RIC8B: variants seen among roughly 807,000 people sequenced by gnomAD.
RIC8B encodes RIC8 guanine nucleotide exchange factor B, also known as chaperone Ric-8B.
A neutral mutation model predicts 57.5 loss-of-function variants in RIC8B; 16 were observed. The ratio of observed to expected loss-of-function variants is 0.28; its 90% CI spans 0.19 to 0.42. The LOEUF (loss-of-function observed/expected upper bound fraction) is 0.42, where lower values mean the gene tolerates loss of function less well. Ranked by LOEUF, RIC8B falls within the 10% of genes least tolerant of loss-of-function variation. RIC8B has a pLI of 1.00. For synonymous variants in RIC8B, 216 were observed against 250.8 expected (o/e 0.86, Z 1.31); for missense variants, 481 against 677.0 (o/e 0.71, Z 3.21).
chr12:106,841,776 C>T (rs1458591242), intron 4 of RIC8B, among the ~76,000 whole-genome samples: 1 of 152,120 alleles, frequency 6.6e-6, no homozygotes, highest in Non-Finnish European at 1.5e-5. Context: ...TGAAATAACT[C>T]ATGGAAGAAA....
Position 106,887,667 on chromosome 12 carries a change from G to A in RIC8B, c.*1652G>A, listed in dbSNP as rs1191945822. 1 of 152,198 alleles carries A rather than the reference G, an allele frequency of 6.6e-6. No homozygotes were observed. Among genetic ancestry groups the A allele is most frequent in the Non-Finnish European group, 1.5e-5 (1 of 68,030 alleles). The allele number at this position is 152,198 out of a possible 1,614,324, so 9.4% of individuals were successfully genotyped here. On this transcript the variant is annotated 3_prime_UTR_variant, in exon 10 of 10. Coordinates refer to ENST00000392837, the MANE Select transcript of RIC8B (RefSeq NM_001330145.2). ...AGAATGGCAAAGAAAGAGGCTGCTA[G>A]ATTGAAGGCAGGCATACTGAAAGAA...
chr12:106,885,834 T>TG lies in RIC8B; in HGVS notation c.1572-63dup, dbSNP rs202040725. The TG allele has an allele frequency of 1.7e-3, 1,156 of 696,636 alleles. 5 individuals carry two copies. The African/African-American group carries it at 0.036, about 22-fold the overall frequency. 43.2% of individuals were successfully genotyped at this position (696,636 alleles called of 1,614,324 possible). ...CTTTTTAAAAGGTTGTGGATTTGGG[T>TG]GGGGGGGAGGGGTGTGTGTGTGATG... On this transcript the variant is annotated intron_variant, in intron 9 of 9. Transcript: ENST00000392837.
At chr12:106,844,097 T>C (rs1949079747) in intron 6 of RIC8B, 150 bp downstream of exon 6, 1 of 657,276 alleles carries the variant, frequency 1.5e-6, no homozygotes, top group Non-Finnish European at 2.6e-6. Flanking sequence ...AAGAAGTGTG[T>C]ATTTTTTGAG....
At chr12:106,823,466 G>A (rs566942992) in intron 3 of RIC8B, 9 of 455,784 alleles carry the variant, frequency 2.0e-5, no homozygotes, top group Non-Finnish European at 3.5e-5. Flanking sequence ...TAGAATTTTG[G>A]TTTGCAGCTG....
At chr12:106,859,261 C>A (rs1239189638) in intron 7 of RIC8B, among the ~76,000 whole-genome samples, 3 of 152,082 alleles carry the variant, frequency 2.0e-5, no homozygotes, top group Non-Finnish European at 4.4e-5. Flanking sequence ...TACTGCTAAA[C>A]AAAGCTGCCA....
intron 9 of RIC8B, among the ~76,000 whole-genome samples, chr12:106,876,526 T>C (rs1315204134): frequency 6.6e-6 from 1 of 152,120 alleles, no homozygotes; most frequent in African/African-American, 2.4e-5. Flanking sequence ...TGGATCCAGC[T>C]AAATTAAACA....
At chr12:106,797,009 A>T (rs2044515097) in intron 2 of RIC8B, among the ~76,000 whole-genome samples, 1 of 152,238 alleles carries the variant, frequency 6.6e-6, no homozygotes, top group Admixed American at 6.5e-5. Flanking sequence ...AACAAAAAAG[A>T]TAACAAGTGT....
chr12:106,827,172 A>G (rs775995649), intron 4 of RIC8B, among the ~76,000 whole-genome samples: 2 of 152,238 alleles, frequency 1.3e-5, no homozygotes, highest in African/African-American at 2.4e-5. Context: ...ACAACTGAAT[A>G]AGAATTAATG....
intron 1 of RIC8B, chr12:106,775,510 C>T (rs765631360): frequency 1.4e-5 from 5 of 356,278 alleles, no homozygotes; most frequent in Admixed American, 3.4e-5. Flanking sequence ...CTTATTTAAT[C>T]TTACAGCAAT....
chr12:106,784,071 GT>G (rs1159651183), intron 2 of RIC8B, 27 bp downstream of exon 2: 2 of 1,598,180 alleles, frequency 1.3e-6, no homozygotes, highest in Non-Finnish European at 1.7e-6. Context: ...CTCTGTGAAT[GT>G]TTATGTGTGT....
At chr12:106,843,723 CAAAAAAA>C (rs11384376) in intron 5 of RIC8B, 122 bp from the exon 6 acceptor site, 98 of 256,626 alleles carry the variant, frequency 3.8e-4, no homozygotes, top group South Asian at 8.1e-4. Flanking sequence ...CTCCCTCTCC[CAAAAAAA>C]AAAAAAAAAA....
chr12:106,842,850 T>C (rs1473721503), intron 5 of RIC8B, 33 bp downstream of exon 5: 3 of 1,344,032 alleles, frequency 2.2e-6, no homozygotes, highest in East Asian at 4.6e-5. Flanking sequence ...CCTGGGAAGA[T>C]GCTTCCAAAG....
rs1183381117 is a variant in RIC8B, at chr12:106,871,592, C to G, written c.1571+650C>G. ...ATTAAATCAAGTATATACTAATCAG[C>G]AACTAGTCATCTTGGAGGAGTTATT... On this transcript the variant is annotated intron_variant, in intron 9 of 9. Coordinates refer to ENST00000392837, the MANE Select transcript of RIC8B (RefSeq NM_001330145.2). 1.7e-4 allele frequency: 25 copies of G among 150,996 alleles called. No individual in the cohort carries two copies. The Admixed American group carries it at 1.7e-3, about 10-fold the overall frequency. 9.4% of individuals were successfully genotyped at this position (150,996 alleles called of 1,614,324 possible).
At position 106,790,910 on chromosome 12, in the gene RIC8B, G is replaced by C. The variant is rs1593101239; in HGVS notation, c.132+6866G>C. On this transcript the variant is annotated intron_variant, in intron 2 of 9. Transcript: ENST00000392837. The stretch of plus-strand genomic sequence containing the variant: ...AAATTCACACAGCCCATATTTCTGT[G>C]AAGCCGTAAGGTAATTGTCAAGTTG... 2.0e-5 allele frequency among the ~76,000 whole-genome samples: 3 copies of C among 152,300 alleles called. No homozygotes were observed. The South Asian group carries it at 6.2e-4, about 32-fold the overall frequency.
chr12:106,882,070 G>A (rs878869142), intron 9 of RIC8B, among the ~76,000 whole-genome samples: 4 of 152,256 alleles, frequency 2.6e-5, no homozygotes, highest in Admixed American at 2.6e-4. Flanking sequence ...TTTCTGAACT[G>A]ACTAAAAGCT....
At chr12:106,858,089 A>G (rs1047916659) in intron 7 of RIC8B, among the ~76,000 whole-genome samples, 9 of 152,164 alleles carry the variant, frequency 5.9e-5, no homozygotes, top group African/African-American at 2.2e-4. Context: ...TTTTCTACAT[A>G]AGAGAACAGT....
At chr12:106,852,594 A>C (rs1028150926) in intron 7 of RIC8B, among the ~76,000 whole-genome samples, 2 of 152,226 alleles carry the variant, frequency 1.3e-5, no homozygotes, top group Admixed American at 1.3e-4. Flanking sequence ...TTTAATTCTC[A>C]TAATGACTCT....
At chr12:106,828,471 A>C (rs1007262245) in intron 4 of RIC8B, among the ~76,000 whole-genome samples, 2 of 152,188 alleles carry the variant, frequency 1.3e-5, no homozygotes, top group Admixed American at 1.3e-4. Context: ...CTCAAATTCC[A>C]TTTTTGAAAG....
chr12:106,806,295 C>T (rs1472128764), intron 2 of RIC8B, among the ~76,000 whole-genome samples: 1 of 152,184 alleles, frequency 6.6e-6, no homozygotes, highest in Admixed American at 6.5e-5. Context: ...ATTGCCAGGT[C>T]TTAATGCTAT....
Sources: allele counts gnomAD v4.1 joint callset (sites outside exome capture counted in the v4.1 genomes callset), GRCh38; gene constraint gnomAD v4.1.1; transcripts MANE v1.5; gene names NCBI Gene and HGNC (gene_info 2026-07-23, HGNC 2026-07-21).